The following PCDH11X variants were observed in gnomAD, a reference collection of about 807,000 sequenced individuals.
PCDH11X encodes protocadherin-11 X-linked.
A neutral mutation model predicts 53.3 loss-of-function variants in PCDH11X; 18 were observed. The observed-to-expected ratio is 0.34, with a 90% CI of 0.23 to 0.50. The LOEUF (loss-of-function observed/expected upper bound fraction) is 0.50. PCDH11X is among the 20% of genes least tolerant of loss of function. PCDH11X has a pLI of 0.98. For missense variants in PCDH11X, 570 were observed against 1,032.4 expected, an observed-to-expected ratio of 0.55 and a Z score of 6.14; for synonymous variants, 279 against 393.3, an observed-to-expected ratio of 0.71 and a Z score of 3.44.
At chrX:92,050,717 G>T (rs1254532990) in intron 6 of PCDH11X, among the ~76,000 whole-genome samples, 1 of 110,111 alleles carries the variant, frequency 9.1e-6, no homozygotes, top group Admixed American at 9.8e-5. Context: ...TTTATATTCC[G>T]AGTACCTAGG....
intron 7 of PCDH11X, among the ~76,000 whole-genome samples, chrX:92,213,494 TTCTAAAG>T (rs2066629247): frequency 8.9e-6 from 1 of 111,772 alleles, no homozygotes; most frequent in Non-Finnish European, 1.9e-5. Flanking sequence ...AATATTCTGA[TTCTAAAG>T]TCCATGCTGT....
intron 10 of PCDH11X, among the ~76,000 whole-genome samples, chrX:92,574,495 A>T (rs1922582165): frequency 9.3e-6 from 1 of 107,306 alleles, no homozygotes. Context: ...CACAATTTAA[A>T]TCACATTTTT....
At chrX:92,551,390 C>G (rs1602313207) in intron 10 of PCDH11X, among the ~76,000 whole-genome samples, 2 of 82,107 alleles carry the variant, frequency 2.4e-5, no homozygotes, top group East Asian at 6.9e-4. Flanking sequence ...AAATCTTTTG[C>G]CCATTTTTTT....
intron 9 of PCDH11X, among the ~76,000 whole-genome samples, chrX:92,432,012 A>G (rs914262191): frequency 2.7e-5 from 3 of 109,964 alleles, no homozygotes; most frequent in African/African-American, 9.8e-5. Context: ...TCAGAAACGC[A>G]CCACCCAAGA....
intron 9 of PCDH11X, among the ~76,000 whole-genome samples, chrX:92,442,605 A>G (rs2072539682): frequency 9.2e-6 from 1 of 109,141 alleles, no homozygotes; most frequent in Admixed American, 9.8e-5. Context: ...TTTCTTTTGT[A>G]AGTTGCCCAG....
intron 6 of PCDH11X, among the ~76,000 whole-genome samples, chrX:91,954,465 G>A (rs933224783): frequency 9.0e-6 from 1 of 111,301 alleles, no homozygotes; most frequent in Admixed American, 9.6e-5. Context: ...ATCCCTTTGG[G>A]TATATATCCA....
chrX:92,540,883 G>A (rs1018612476), intron 10 of PCDH11X, among the ~76,000 whole-genome samples: 4 of 107,871 alleles, frequency 3.7e-5, no homozygotes, highest in Non-Finnish European at 7.7e-5. Flanking sequence ...CAACTCTGCC[G>A]GTGCCCTCTA....
chrX:92,187,426 C>A (rs1265984141), intron 6 of PCDH11X, among the ~76,000 whole-genome samples: 1 of 111,324 alleles, frequency 9.0e-6, no homozygotes, highest in Middle Eastern at 4.2e-3. Flanking sequence ...CTGCAGAGTC[C>A]TTTTTTTGAT....
intron 6 of PCDH11X, among the ~76,000 whole-genome samples, chrX:92,020,396 CCCCACAG>C (rs1307492335): frequency 8.9e-6 from 1 of 112,047 alleles, no homozygotes; most frequent in African/African-American, 3.2e-5. Flanking sequence ...AAGAGGTATC[CCCCACAG>C]CCCAACACAC....
chrX:92,230,568 T>C (rs1393863281), intron 7 of PCDH11X, among the ~76,000 whole-genome samples: 2 of 94,240 alleles, frequency 2.1e-5, no homozygotes, highest in African/African-American at 7.7e-5. Flanking sequence ...ATAAAATACA[T>C]ATATAATATA....
chrX:91,967,898 A>G (rs2061890526), intron 6 of PCDH11X, among the ~76,000 whole-genome samples: 1 of 111,506 alleles, frequency 9.0e-6, no homozygotes, highest in Non-Finnish European at 1.9e-5. Flanking sequence ...TTTCATTAAC[A>G]AGGCTGAAAG....
chrX:91,881,769 G>A (rs1294587572), intron 6 of PCDH11X, among the ~76,000 whole-genome samples: 3 of 109,971 alleles, frequency 2.7e-5, no homozygotes, highest in Non-Finnish European at 5.7e-5. Flanking sequence ...AATGGGAGAA[G>A]TGACAGCCAA....
chrX:91,886,048 T>C (rs2147752412), intron 6 of PCDH11X, among the ~76,000 whole-genome samples: 1 of 111,814 alleles, frequency 8.9e-6, no homozygotes, highest in East Asian at 2.8e-4. Context: ...GAGAACAACA[T>C]GGAAGGCATT....
chrX:92,334,242 C>T (rs1383682765), intron 8 of PCDH11X, among the ~76,000 whole-genome samples: 9 of 111,582 alleles, frequency 8.1e-5, no homozygotes, highest in Non-Finnish European at 1.3e-4. Context: ...AAACTTTACA[C>T]GCAGAAACAC....
intron 8 of PCDH11X, among the ~76,000 whole-genome samples, chrX:92,346,266 G>A (rs1284017491): frequency 9.0e-6 from 1 of 111,273 alleles, no homozygotes; most frequent in Non-Finnish European, 1.9e-5. Context: ...CAGTCTTATT[G>A]TCTTTTAAAA....
In PCDH11X at chrX:91,895,837, T is replaced by A. The variant is rs181420943; in HGVS notation, c.3033+16564T>A. ...TACATATTACATGTATAATATGTAA[T>A]ACACTTAACATTACATACATTATAC... is the stretch of plus-strand genomic sequence containing the variant. On this transcript the variant is annotated intron_variant, in intron 6 of 10. Coordinates refer to ENST00000682573, the MANE Select transcript of PCDH11X (RefSeq NM_032968.5). 1.2e-3 allele frequency among the ~76,000 whole-genome samples: 128 copies of A among 107,002 alleles called. 1 individual carries two copies. The East Asian group carries it at 0.034, about 28-fold the overall frequency. 92.9% of individuals were successfully genotyped at this position (107,002 alleles called of 115,157 possible). A position where few individuals can be genotyped will look rare whatever the true frequency, so the allele number is the denominator to read the frequency against.
At chrX:92,471,454 T>C (rs1454600440) in intron 10 of PCDH11X, among the ~76,000 whole-genome samples, 1 of 104,794 alleles carries the variant, frequency 9.5e-6, no homozygotes, top group African/African-American at 3.5e-5. Flanking sequence ...TTCTTTTTTA[T>C]GGCTGCATAG....
At chrX:92,214,299 G>A (rs796343271) in intron 7 of PCDH11X, among the ~76,000 whole-genome samples, 18 of 111,627 alleles carry the variant, frequency 1.6e-4, no homozygotes, top group Non-Finnish European at 3.0e-4. Flanking sequence ...ACTTTAGGAC[G>A]CCAAAAGTCC....
rs770355718 is a variant in PCDH11X, at chrX:91,886,696, G to A, written c.3033+7423G>A. Among the ~76,000 whole-genome samples, 224 of 108,880 alleles carry A rather than the reference G, an allele frequency of 2.1e-3. 1 individual carries two copies. The highest frequency in any genetic ancestry group is 3.4e-3 in the Non-Finnish European group (180 of 52,691). 94.5% of individuals were successfully genotyped at this position (108,880 alleles called of 115,157 possible). On this transcript the variant is annotated intron_variant, in intron 6 of 10. Coordinates refer to ENST00000682573, the MANE Select transcript of PCDH11X (RefSeq NM_032968.5). Reference sequence around the variant, plus strand: ...TAAAAATATGTATATACTTGGCCGGGCGCGGTGGCTCATGCCTGTATTCCC... The same window carrying A: ...TAAAAATATGTATATACTTGGCCGGACGCGGTGGCTCATGCCTGTATTCCC...
Sources: allele counts gnomAD v4.1 joint callset (sites outside exome capture counted in the v4.1 genomes callset), GRCh38; gene constraint gnomAD v4.1.1; transcripts MANE v1.5; gene names NCBI Gene and HGNC (gene_info 2026-07-23, HGNC 2026-07-21).